PLCH1: variants seen among roughly 807,000 people sequenced by gnomAD.
PLCH1 encodes phospholipase C eta 1.
PLCH1 carries 60 observed loss-of-function variants against 126.7 expected under a neutral mutation model. The observed-to-expected ratio is 0.47, with a 90% CI of 0.38 to 0.59. PLCH1 has a LOEUF of 0.59. Among genes scored for constraint, PLCH1 ranks in the 20% least tolerant of loss-of-function variants. The pLI is 0.00. For synonymous variants in PLCH1, 719 were observed against 734.9 expected (o/e 0.98, Z 0.35); for missense variants, 1,723 against 2,040.0 (o/e 0.84, Z 2.99).
At chr3:155,669,517 ACAGTGAGCCAAGATTGTGC>A (rs1743180307) in intron 2 of PLCH1, among the ~76,000 whole-genome samples, 1 of 152,174 alleles carries the variant, frequency 6.6e-6, no homozygotes, top group South Asian at 2.1e-4. Context: ...GGTCAAGGCT[ACAGTGAGCCAAGATTGTGC>A]CACTGCACTC....
chr3:155,470,480 G>A (rs916429696), intron 21 of PLCH1, among the ~76,000 whole-genome samples: 12 of 152,188 alleles, frequency 7.9e-5, no homozygotes, highest in African/African-American at 2.9e-4. Flanking sequence ...GGGGAGAATG[G>A]AACCAAGTTG....
At chr3:155,573,647 T>C (rs1376800878) in intron 6 of PLCH1, among the ~76,000 whole-genome samples, 1 of 152,118 alleles carries the variant, frequency 6.6e-6, no homozygotes, top group Non-Finnish European at 1.5e-5. Flanking sequence ...AGGGTGAGGA[T>C]GAAATCTTCA....
intron 10 of PLCH1, among the ~76,000 whole-genome samples, chr3:155,531,493 C>T (rs1490640058): frequency 6.6e-6 from 1 of 152,144 alleles, no homozygotes; most frequent in Non-Finnish European, 1.5e-5. Flanking sequence ...GGCGTGGTGG[C>T]ACGTGCCTGT....
In PLCH1 at chr3:155,538,106, C is replaced by T. The variant is rs374726280; in HGVS notation, c.1362+11681G>A. 4.6e-5 allele frequency among the ~76,000 whole-genome samples: 7 copies of T among 152,108 alleles called. No individual in the cohort carries two copies. The South Asian group carries it at 6.2e-4, about 14-fold the overall frequency. The stretch of plus-strand genomic sequence containing the variant: ...GGACTCCAAAAGGAACCCCACAAAA[C>T]GTGCAAATACATATAAATTAAATAA... On this transcript the variant is annotated intron_variant, in intron 10 of 22. Coordinates refer to ENST00000460012, the MANE Select transcript of PLCH1 (RefSeq NM_014996.4).
chr3:155,470,487 G>C (rs947858434), intron 21 of PLCH1, among the ~76,000 whole-genome samples: 8 of 152,110 alleles, frequency 5.3e-5, no homozygotes, highest in Non-Finnish European at 1.0e-4. Context: ...ATGGAACCAA[G>C]TTGGAAAACA....
intron 2 of PLCH1, among the ~76,000 whole-genome samples, chr3:155,624,000 A>G (rs982502154): frequency 1.7e-4 from 26 of 152,240 alleles, no homozygotes; most frequent in African/African-American, 6.0e-4. Flanking sequence ...GAACACCTTC[A>G]ATAAAATACT....
At chr3:155,563,969 C>A (rs1577020040) in intron 8 of PLCH1, among the ~76,000 whole-genome samples, 1 of 152,122 alleles carries the variant, frequency 6.6e-6, no homozygotes, top group African/African-American at 2.4e-5. Flanking sequence ...TGGGGTCTCA[C>A]TGTGTTGCTC....
At chr3:155,505,891 GC>G (rs140681514) in intron 12 of PLCH1, among the ~76,000 whole-genome samples, 11,356 of 147,968 alleles carry the variant, frequency 0.077, 461 homozygotes, top group South Asian at 0.087. Context: ...CTCTTGGTCC[GC>G]TTTTTTTTTT....
At chr3:155,452,200 G>T (rs1435787926) in intron 21 of PLCH1, among the ~76,000 whole-genome samples, 1 of 152,124 alleles carries the variant, frequency 6.6e-6, no homozygotes, top group Non-Finnish European at 1.5e-5. Flanking sequence ...CTTCTTACAC[G>T]GTGGCAGCAA....
Position 155,667,780 on chromosome 3 carries a change from G to A in PLCH1, c.79+36366C>T, listed in dbSNP as rs181465332. ...TGAACCCTTTCATCAAAAGAGTCAC[G>A]TTGGCCAAGCGCGATGGCACATGCC... On this transcript the variant is annotated intron_variant, in intron 2 of 22. Transcript: ENST00000460012. Among the ~76,000 whole-genome samples the A allele has an allele frequency of 3.8e-3, 580 of 151,458 alleles. 1 individual carries two copies. Among genetic ancestry groups the A allele is most frequent in the Admixed American group, 7.0e-3 (107 of 15,180 alleles).
intron 2 of PLCH1, among the ~76,000 whole-genome samples, chr3:155,680,770 C>A (rs958684506): frequency 3.3e-5 from 5 of 152,272 alleles, no homozygotes; most frequent in African/African-American, 2.4e-5. Flanking sequence ...AGGAAGTATC[C>A]TTTCCTTAAC....
At chr3:155,497,743 C>A (rs1717263570) in intron 14 of PLCH1, among the ~76,000 whole-genome samples, 1 of 152,124 alleles carries the variant, frequency 6.6e-6, no homozygotes, top group African/African-American at 2.4e-5. Flanking sequence ...GAGACAGAGT[C>A]TCTCTCTGTT....
At chr3:155,635,223 C>G (rs979505187) in intron 2 of PLCH1, among the ~76,000 whole-genome samples, 1 of 151,986 alleles carries the variant, frequency 6.6e-6, no homozygotes, top group Non-Finnish European at 1.5e-5. Flanking sequence ...ATCTCTTTTT[C>G]CTTTCCATCT....
At chr3:155,638,940 C>G (rs570119089) in intron 2 of PLCH1, among the ~76,000 whole-genome samples, 1 of 152,222 alleles carries the variant, frequency 6.6e-6, no homozygotes, top group African/African-American at 2.4e-5. Context: ...TAACCCTGGA[C>G]AAGCAAGCAA....
At chr3:155,647,689 A>T (rs145146983) in intron 2 of PLCH1, among the ~76,000 whole-genome samples, 1 of 152,158 alleles carries the variant, frequency 6.6e-6, no homozygotes, top group East Asian at 1.9e-4. Context: ...ACTTAACAAG[A>T]CTTTTTCAAA....
At chr3:155,495,478 C>G (rs1398524262) in intron 15 of PLCH1, among the ~76,000 whole-genome samples, 1 of 152,114 alleles carries the variant, frequency 6.6e-6, no homozygotes, top group Non-Finnish European at 1.5e-5. Flanking sequence ...AAGACCAGCC[C>G]AGATAAAAAG....
chr3:155,520,978 G>A (rs140254814), intron 11 of PLCH1, among the ~76,000 whole-genome samples: 2 of 152,280 alleles, frequency 1.3e-5, no homozygotes, highest in South Asian at 4.1e-4. Flanking sequence ...GGGTGGTGCC[G>A]GGAGAGCCTC....
At chr3:155,592,200 C>T (rs1162241071) in intron 4 of PLCH1, among the ~76,000 whole-genome samples, 1 of 144,134 alleles carries the variant, frequency 6.9e-6, no homozygotes, top group East Asian at 2.0e-4. Context: ...AAAAAAGATT[C>T]GTGGCCAAGC....
At chr3:155,476,168 A>G (rs35630673), downstream of PLCH1, among the ~76,000 whole-genome samples, 63,488 of 152,068 alleles carry the variant, frequency 0.42, 17,652 homozygotes, top group African/African-American at 0.79. Flanking sequence ...ATCAATCAGT[A>G]TGATACATCA....
Sources: gnomAD v4.1 joint callset for allele counts (sites outside exome capture counted in the v4.1 genomes callset) on GRCh38, gnomAD v4.1.1 for gene constraint, MANE v1.5 for transcripts, NCBI Gene and HGNC (gene_info 2026-07-23, HGNC 2026-07-21) for gene names.